The following ACSL5 variants were observed in gnomAD, a reference collection of about 807,000 sequenced individuals.
The protein encoded by ACSL5 is long-chain-fatty-acid--CoA ligase 5.
ACSL5 carries 50 observed loss-of-function variants against 84.9 expected under a neutral mutation model. The observed-to-expected ratio is 0.59, with a 90% CI of 0.47 to 0.75. The LOEUF (loss-of-function observed/expected upper bound fraction) is 0.75. Ranked by LOEUF, ACSL5 falls within the 30% of genes least tolerant of loss-of-function variation. The pLI is 0.00. For synonymous variants in ACSL5, 280 were observed against 300.7 expected (o/e 0.93, Z 0.71); for missense variants, 775 against 830.4 (o/e 0.93, Z 0.82).
chr10:112,410,427 C>G (rs749119715), intron 7 of ACSL5, 36 bp from the exon 8 acceptor site: 2 of 1,613,480 alleles, frequency 1.2e-6, no homozygotes, highest in South Asian at 2.2e-5. Flanking sequence ...TCCATCTCAA[C>G]TAATGTCTTT....
intron 1 of ACSL5, among the ~76,000 whole-genome samples, chr10:112,392,463 C>A (rs547145982): frequency 2.5e-5 from 3 of 120,248 alleles, no homozygotes; most frequent in East Asian, 6.8e-4. Context: ...AAGAATTGGC[C>A]AGGTACGGTG....
At chr10:112,408,648 C>A in intron 6 of ACSL5, 127 bp downstream of exon 6, 1 of 693,138 alleles carries the variant, frequency 1.4e-6, no homozygotes, top group East Asian at 2.7e-5. Context: ...GGAAAATGTT[C>A]AAGTCTTTCT....
chr10:112,394,964 CTT>C lies in ACSL5; in HGVS notation c.22_23del (p.Leu8ValfsTer35), dbSNP rs1331023904. MLFIFN[F>X]LFSPLPTPAL... The stretch of plus-strand genomic sequence containing the variant: ...TCACAAAGATGCTTTTTATCTTTAA[CTT>C]TTTGTTTTCCCCACTTCCGACCCCG... On this transcript the variant is annotated frameshift_variant, in exon 2 of 21. Transcript: ENST00000354655. LOFTEE classifies it high-confidence loss of function. 6.2e-7 allele frequency: 1 copy of C among 1,613,352 alleles called. No individual in the cohort carries two copies. The highest frequency in any genetic ancestry group is 1.1e-5 in the South Asian group (1 of 91,066).
Position 112,417,942 on chromosome 10 carries a change from G to C in ACSL5, c.1314+1G>C. On this transcript the variant is annotated splice_donor_variant, in intron 14 of 20. Transcript: ENST00000354655. LOFTEE classifies it high-confidence loss of function. ...CTTCCGGGCAGCAATGGGATGTCAG[G>C]TAAGCCAAGCACCTTCTTTGAGAAT... The C allele has an allele frequency of 6.2e-7, 1 of 1,600,648 alleles. No individual in the cohort carries two copies. The highest frequency in any genetic ancestry group is 8.5e-7 in the Non-Finnish European group (1 of 1,173,094).
chr10:112,375,937 A>G (rs1219941959), intron 1 of ACSL5, among the ~76,000 whole-genome samples: 1 of 152,218 alleles, frequency 6.6e-6, no homozygotes, highest in Non-Finnish European at 1.5e-5. Flanking sequence ...CTCCGAATCC[A>G]GCAGGGAACA....
intron 5 of ACSL5, 120 bp from the exon 6 acceptor site, chr10:112,408,298 CAAAA>C (rs369014571): frequency 2.0e-3 from 942 of 460,546 alleles, no homozygotes; most frequent in African/African-American, 4.7e-3. Flanking sequence ...GGCACTGTCT[CAAAA>C]AAAAAAAAAA....
chr10:112,395,196 C>T, intron 2 of ACSL5, 94 bp downstream of exon 2: 1 of 1,256,400 alleles, frequency 8.0e-7, no homozygotes, highest in East Asian at 2.4e-5. Flanking sequence ...GGATTGGGTG[C>T]AGCATGGGAA....
chr10:112,399,121 G>A, intron 3 of ACSL5, 112 bp downstream of exon 3: 1 of 866,206 alleles, frequency 1.2e-6, no homozygotes. Flanking sequence ...AGTGATCCAA[G>A]TAGAATCGCA....
rs563600088 is a variant in ACSL5 at position 112,374,443 on chromosome 10, GA to G, written c.-30+181del. ...TCAGCTGACTTGTGTGGGAGGCAAA[GA>G]AAAAAATCAGTTGGAAAAGGGGTGG... On this transcript the variant is annotated intron_variant, in intron 1 of 20. Transcript: ENST00000354655. 1.5e-3 allele frequency among the ~76,000 whole-genome samples: 230 copies of G among 152,142 alleles called. 1 individual carries two copies. The highest frequency in any genetic ancestry group is 6.8e-3 in the Middle Eastern group (2 of 294).
Position 112,411,214 on chromosome 10 carries a change from T to C in ACSL5, c.797-242T>C, listed in dbSNP as rs547605834. Among the ~76,000 whole-genome samples the C allele has an allele frequency of 4.6e-5, 7 of 152,340 alleles. No individual in the cohort carries two copies. In the South Asian group the frequency reaches 1.5e-3, roughly 32 times the overall value. On this transcript the variant is annotated intron_variant, in intron 9 of 20. Coordinates refer to ENST00000354655, the MANE Select transcript of ACSL5 (RefSeq NM_203379.2). ...GAATTTTTCTTTGCAGCTGTGCTTC[T>C]ATCTGAAATCATGGCTGTGCTCTGC... is the stretch of plus-strand genomic sequence containing the variant.
chr10:112,417,201 T>TTAAAAAAA (rs1554864778), intron 13 of ACSL5, among the ~76,000 whole-genome samples, 179 bp downstream of exon 13: 2 of 120,064 alleles, frequency 1.7e-5, no homozygotes, highest in South Asian at 3.0e-4. Context: ...GGAGTAGGTT[T>TTAAAAAAA]AAAAAAAAAA....
intron 17 of ACSL5, chr10:112,424,787 A>C (rs1844606288): frequency 6.6e-6 from 1 of 152,246 alleles, no homozygotes; most frequent in Non-Finnish European, 1.5e-5. Context: ...TGAAGCTGCA[A>C]ATGACCTTTG....
chr10:112,400,977 T>A (rs766636981), intron 3 of ACSL5, among the ~76,000 whole-genome samples: 98 of 152,316 alleles, frequency 6.4e-4, no homozygotes, highest in Non-Finnish European at 9.4e-4. Flanking sequence ...GATTTTTTTT[T>A]AAATACTAAA....
intron 15 of ACSL5, 141 bp downstream of exon 15, chr10:112,421,806 C>T: frequency 7.9e-7 from 1 of 1,272,540 alleles, no homozygotes. Flanking sequence ...TCCAGGCCTG[C>T]CTATCTTGGC....
At chr10:112,400,005 T>C (rs1843841182) in intron 3 of ACSL5, among the ~76,000 whole-genome samples, 1 of 152,168 alleles carries the variant, frequency 6.6e-6, no homozygotes, top group South Asian at 2.1e-4. Flanking sequence ...AAGTAGTCAC[T>C]CCTCCAGACA....
In ACSL5 at chr10:112,410,616, C is replaced by T; in HGVS notation, c.777C>T (p.Cys259=). The change falls in exon 9 of 21, where the codon TGC becomes TGT. Residue 259 remains cysteine (C), a synonymous_variant. Coordinates refer to ENST00000354655, the MANE Select transcript of ACSL5 (RefSeq NM_203379.2). The part of the protein sequence containing the change: ...PPSPEDLSVI[C]FTSGTTGDPK... Reference sequence around the variant, plus strand: ...GCCCAGAAGACCTGAGCGTCATCTGCTTCACCAGTGGGACCACAGGTCTGT... The same window carrying T: ...GCCCAGAAGACCTGAGCGTCATCTGTTTCACCAGTGGGACCACAGGTCTGT... 6.2e-7 allele frequency: 1 copy of T among 1,613,872 alleles called. No individual in the cohort carries two copies. The highest frequency in any genetic ancestry group is 8.5e-7 in the Non-Finnish European group (1 of 1,179,956).
chr10:112,382,369 T>C (rs1849367139), intron 1 of ACSL5, among the ~76,000 whole-genome samples: 1 of 152,206 alleles, frequency 6.6e-6, no homozygotes, highest in Admixed American at 6.5e-5. Context: ...ATTGTGCCAA[T>C]GGTGAGTAAA....
chr10:112,426,478 T>C (rs1030395622), intron 19 of ACSL5, 119 bp downstream of exon 19: 45 of 797,000 alleles, frequency 5.6e-5, no homozygotes, highest in Non-Finnish European at 7.9e-5. Flanking sequence ...TGAATAGTTT[T>C]ATGGGACTCG....
chr10:112,413,341 C>T, intron 12 of ACSL5, 34 bp downstream of exon 12: 2 of 1,612,376 alleles, frequency 1.2e-6, no homozygotes, highest in Non-Finnish European at 1.7e-6. Context: ...CTGTCTGTGA[C>T]TTGGGCCTGC....
Sources: gnomAD v4.1 joint callset for allele counts (sites outside exome capture counted in the v4.1 genomes callset) on GRCh38, gnomAD v4.1.1 for gene constraint, MANE v1.5 for transcripts, NCBI Gene and HGNC (gene_info 2026-07-23, HGNC 2026-07-21) for gene names.